The following PDE10A variants were observed in gnomAD, a reference collection of about 807,000 sequenced individuals.
PDE10A encodes the protein phosphodiesterase 10A.
In PDE10A, 39 loss-of-function variants were observed where a neutral mutation model predicts 97.7. The ratio of observed to expected loss-of-function variants is 0.40; its 90% confidence interval spans 0.31 to 0.52. PDE10A has a LOEUF of 0.52. Among genes scored for constraint, PDE10A ranks in the 20% least tolerant of loss-of-function variants. PDE10A has a pLI of 0.56. For synonymous variants in PDE10A, 371 were observed against 376.8 expected, an observed-to-expected ratio of 0.98 and a Z score of 0.18; for missense variants, 731 against 1,047.8, an observed-to-expected ratio of 0.70 and a Z score of 4.17.
chr6:165,404,303 G>C (rs1397133503), intron 13 of PDE10A, among the ~76,000 whole-genome samples: 1 of 152,116 alleles, frequency 6.6e-6, no homozygotes, highest in Non-Finnish European at 1.5e-5. Context: ...GAGGCTCCCG[G>C]ATGTGAAGGG....
rs141462563 is a variant in PDE10A at position 165,973,516 on chromosome 6, A to G, written c.-615+14013T>C. ...GATAAAAGGAAGTTTTATTGAAGTT[A>G]GTTGAGATTGACTAAGGAATGTATT... is the stretch of plus-strand genomic sequence containing the variant. On this transcript the variant is annotated intron_variant, in intron 1 of 19. Coordinates refer to the PDE10A transcript ENST00000366882. Among the ~76,000 whole-genome samples the G allele has an allele frequency of 4.7e-4, 72 of 152,298 alleles. 1 individual carries two copies. The East Asian group carries it at 6.0e-3, about 13-fold the overall frequency.
At chr6:165,414,794 A>AC (rs1788188028) in intron 12 of PDE10A, among the ~76,000 whole-genome samples, 1 of 152,160 alleles carries the variant, frequency 6.6e-6, no homozygotes, top group Admixed American at 6.5e-5. Context: ...ATTCCCACCA[A>AC]CAATGTATGA....
chr6:165,795,677 G>A (rs905624507), intron 1 of PDE10A, among the ~76,000 whole-genome samples: 4 of 152,112 alleles, frequency 2.6e-5, no homozygotes, highest in African/African-American at 4.8e-5. Flanking sequence ...GCTTGAACTC[G>A]GGAGGTGGAG....
chr6:165,350,854 G>A (rs930759622), intron 18 of PDE10A, among the ~76,000 whole-genome samples: 14 of 152,258 alleles, frequency 9.2e-5, no homozygotes, highest in Admixed American at 2.0e-4. Flanking sequence ...GAAGAAGGAC[G>A]TGTTTGCTTC....
At chr6:165,499,611 A>G (rs932162588) in intron 2 of PDE10A, among the ~76,000 whole-genome samples, 3 of 152,212 alleles carry the variant, frequency 2.0e-5, no homozygotes, top group Admixed American at 6.5e-5. Context: ...ATGATCAATG[A>G]ATATTCATTT....
chr6:165,530,895 T>C (rs147769932), intron 2 of PDE10A, among the ~76,000 whole-genome samples: 76 of 152,288 alleles, frequency 5.0e-4, no homozygotes, highest in African/African-American at 1.7e-3. Context: ...ATTCAAAATA[T>C]ATATTATCAA....
chr6:165,757,091 C>A (rs1040238454), intron 1 of PDE10A, among the ~76,000 whole-genome samples: 4 of 152,080 alleles, frequency 2.6e-5, no homozygotes, highest in African/African-American at 9.7e-5. Context: ...CCTCACCCTC[C>A]CAGTAGCTGG....
chr6:165,423,432 G>C (rs932770543), intron 10 of PDE10A, among the ~76,000 whole-genome samples: 2 of 152,170 alleles, frequency 1.3e-5, no homozygotes, highest in Non-Finnish European at 2.9e-5. Context: ...TGTTGGTTAC[G>C]AGTTCTCACA....
Position 165,418,714 on chromosome 6 carries a change from T to C in PDE10A, c.1717A>G (p.Lys573Glu). Reference protein sequence around the residue: ...CALFQVDHKNKELYSDLFDIG... With the variant: ...CALFQVDHKNEELYSDLFDIG... ...TCAAAAAGGTCTGAATATAACTCCT[T>C]GTTCTTATGGTCCACCTGGAAAAGC... is the stretch of plus-strand genomic sequence containing the variant. Residue 573 changes from lysine to glutamate, a missense_variant, in exon 11 of 22, where the codon AAG (lysine) becomes GAG (glutamate). Transcript: ENST00000539869. The surrounding 1 kb of genome is among the most constrained non-coding windows in gnomAD (Gnocchi z 4.8). 1.2e-6 allele frequency: 2 copies of C among 1,613,860 alleles called. No individual in the cohort carries two copies. The highest frequency in any genetic ancestry group is 1.7e-6 in the Non-Finnish European group (2 of 1,179,832).
At chr6:165,658,339 T>G (rs557679649) in intron 1 of PDE10A, among the ~76,000 whole-genome samples, 1 of 152,334 alleles carries the variant, frequency 6.6e-6, no homozygotes, top group East Asian at 1.9e-4. Context: ...GGCAATCAAC[T>G]GTAGTCTGAA....
intron 1 of PDE10A, chr6:165,545,106 T>C (rs1484632787): frequency 2.1e-6 from 1 of 483,728 alleles, no homozygotes; most frequent in Admixed American, 2.4e-5. Context: ...ATGCTCTCTT[T>C]AGGTCCTCCA....
chr6:165,379,496 CTT>C (rs1037258876), intron 17 of PDE10A, 130 bp from the exon 18 acceptor site: 3 of 684,422 alleles, frequency 4.4e-6, no homozygotes, highest in African/African-American at 3.8e-5. Context: ...TTTGGGGTAA[CTT>C]TTGTTTTTTT....
intron 1 of PDE10A, among the ~76,000 whole-genome samples, chr6:165,575,168 A>G (rs1309308500): frequency 6.6e-6 from 1 of 152,164 alleles, no homozygotes; most frequent in African/African-American, 2.4e-5. Flanking sequence ...AGCAAGCACC[A>G]CAGAATTCTT....
chr6:165,439,699 G>A (rs1790289761), intron 5 of PDE10A, among the ~76,000 whole-genome samples: 1 of 152,162 alleles, frequency 6.6e-6, no homozygotes, highest in African/African-American at 2.4e-5. Flanking sequence ...TATTTCTAAA[G>A]TGAGATAATT....
At chr6:165,967,832 A>T (rs1462592828) in intron 1 of PDE10A, among the ~76,000 whole-genome samples, 1 of 152,188 alleles carries the variant, frequency 6.6e-6, no homozygotes, top group African/African-American at 2.4e-5. Context: ...CCCATGTTTC[A>T]TTTGATGTGT....
At chr6:165,336,426 A>G (rs547329058) in intron 20 of PDE10A, among the ~76,000 whole-genome samples, 16 of 152,216 alleles carry the variant, frequency 1.1e-4, no homozygotes, top group Non-Finnish European at 1.6e-4. Context: ...AAACACATGA[A>G]GATTCAAAAC....
At chr6:165,926,879 G>C (rs187890964) in intron 1 of PDE10A, among the ~76,000 whole-genome samples, 2 of 152,324 alleles carry the variant, frequency 1.3e-5, no homozygotes, top group Non-Finnish European at 1.5e-5. Flanking sequence ...CATTTCTATA[G>C]ATTTTGCAGT....
intron 18 of PDE10A, among the ~76,000 whole-genome samples, chr6:165,343,718 GT>G (rs1438497311): frequency 6.6e-6 from 1 of 152,182 alleles, no homozygotes; most frequent in Non-Finnish European, 1.5e-5. Flanking sequence ...CCCGTGAGGA[GT>G]GCATCATATG....
rs564656017 is a variant in PDE10A, at chr6:165,328,153, C to T, written c.*4872G>A. On this transcript the variant is annotated 3_prime_UTR_variant, in exon 22 of 22. Transcript: ENST00000539869. ...ATCTATTACACTCTGAACTTGCACA[C>T]GAAATGAACACATAGCATATACACC... The T allele has an allele frequency of 6.6e-6, 1 of 152,104 alleles. No individual in the cohort carries two copies. Among genetic ancestry groups the T allele is most frequent in the Admixed American group, 6.5e-5 (1 of 15,278 alleles). 9.4% of individuals were successfully genotyped at this position (152,104 alleles called of 1,614,324 possible). A position where few individuals can be genotyped will look rare whatever the true frequency, so the allele number is the denominator to read the frequency against.
Sources: gnomAD v4.1 joint callset for allele counts (sites outside exome capture counted in the v4.1 genomes callset) on GRCh38, gnomAD v4.1.1 for gene constraint, Gnocchi (gnomAD v3.1) non-coding constraint, MANE v1.5 for transcripts, NCBI Gene and HGNC (gene_info 2026-07-23, HGNC 2026-07-21) for gene names.